Variants in TANC1 observed in about 807,000 individuals in gnomAD.
TANC1 encodes protein TANC1.
Under a neutral mutation model 149.7 loss-of-function variants are expected in TANC1, and 77 were observed. The ratio of observed to expected loss-of-function variants is 0.51; its 90% CI spans 0.43 to 0.62. The LOEUF is 0.62. TANC1 is among the 20% of genes least tolerant of loss of function. The pLI is 0.00. For missense variants in TANC1, 1,985 were observed against 2,321.8 expected, an observed-to-expected ratio of 0.85 and a Z score of 2.98; for synonymous variants, 854 against 925.0, an observed-to-expected ratio of 0.92 and a Z score of 1.39.
intron 4 of TANC1, among the ~76,000 whole-genome samples, chr2:159,121,187 G>T (rs1574805256): frequency 6.6e-6 from 1 of 152,304 alleles, no homozygotes. Context: ...CTCCCAGCTG[G>T]CTCATCTTTG....
chr2:159,215,392 T>G (rs1259254420), intron 19 of TANC1, among the ~76,000 whole-genome samples: 1 of 152,230 alleles, frequency 6.6e-6, no homozygotes, highest in Non-Finnish European at 1.5e-5. Flanking sequence ...ATAACAGGTT[T>G]GCCGCCTTTT....
intron 3 of TANC1, among the ~76,000 whole-genome samples, chr2:159,070,810 G>A (rs190621309): frequency 1.8e-4 from 27 of 152,292 alleles, no homozygotes; most frequent in African/African-American, 6.5e-4. Flanking sequence ...ACATTGGGCA[G>A]GTTCCCTCCC....
chr2:159,133,904 G>T (rs899868770), intron 4 of TANC1, among the ~76,000 whole-genome samples: 3 of 152,222 alleles, frequency 2.0e-5, no homozygotes, highest in African/African-American at 7.2e-5. Flanking sequence ...TCTAGTTTAA[G>T]ATGTAGTACA....
Position 159,219,829 on chromosome 2 carries a change from C to T in TANC1, c.3640C>T (p.Pro1214Ser). 1 of 1,613,658 alleles carries T rather than the reference C, an allele frequency of 6.2e-7. No homozygotes were observed. The highest frequency in any genetic ancestry group is 8.5e-7 in the Non-Finnish European group (1 of 1,180,028). Residue 1214 changes from proline to serine, a missense_variant, in exon 22 of 27, where the codon CCC becomes TCC. Pro to Ser is a moderately conservative substitution (Grantham distance 74, BLOSUM62 -1). Transcript: ENST00000263635. Reference protein sequence around the residue: ...IDQTDKNGRTPLDLAAFYGDA... With the variant: ...IDQTDKNGRTSLDLAAFYGDA... ...CCAGACAGACAAGAATGGCCGCACA[C>T]CCTTGGACCTGGCTGCCTTCTATGG...
At chr2:158,991,228 T>C (rs1202598111) in intron 1 of TANC1, among the ~76,000 whole-genome samples, 1 of 151,636 alleles carries the variant, frequency 6.6e-6, no homozygotes, top group Admixed American at 6.6e-5. Flanking sequence ...AGATGTAGAA[T>C]TTGCTAGGAA....
chr2:159,000,533 T>G lies in TANC1; in HGVS notation c.-125-547T>G, dbSNP rs114717146. Among the ~76,000 whole-genome samples, 690 of 152,122 alleles carry G rather than the reference T, an allele frequency of 4.5e-3. 5 individuals carry two copies. Among genetic ancestry groups the G allele is most frequent in the African/African-American group, 0.016 (644 of 41,480 alleles). ...ACAGTGATGTGATTTCTGTGGTCTT[T>G]CGGGCCCAGGGTATAGGTGAGGACA... On this transcript the variant is annotated intron_variant, in intron 1 of 26. Coordinates refer to ENST00000263635, the MANE Select transcript of TANC1 (RefSeq NM_033394.3).
At chr2:159,177,507 G>T (rs905726346) in intron 13 of TANC1, among the ~76,000 whole-genome samples, 1 of 152,074 alleles carries the variant, frequency 6.6e-6, no homozygotes, top group Non-Finnish European at 1.5e-5. Context: ...AACTTGATGC[G>T]TGTTTTTTGG....
At chr2:158,969,461 G>A (rs2032501466) in intron 1 of TANC1, among the ~76,000 whole-genome samples, 1 of 152,246 alleles carries the variant, frequency 6.6e-6, no homozygotes, top group Non-Finnish European at 1.5e-5. Flanking sequence ...TTTAGGGGTG[G>A]GGCGCTGAGA....
At chr2:159,172,867 T>C (rs2055405948) in intron 11 of TANC1, among the ~76,000 whole-genome samples, 1 of 152,144 alleles carries the variant, frequency 6.6e-6, no homozygotes, top group Admixed American at 6.5e-5. Flanking sequence ...TGGGCAGCAG[T>C]GGTGTGAGTC....
chr2:159,153,763 G>T (rs1178634767), intron 7 of TANC1, among the ~76,000 whole-genome samples: 1 of 152,214 alleles, frequency 6.6e-6, no homozygotes, highest in Non-Finnish European at 1.5e-5. Context: ...CTATGACTCA[G>T]TTGTGGTTCT....
At chr2:158,973,317 C>T (rs1164216485) in intron 1 of TANC1, among the ~76,000 whole-genome samples, 2 of 152,136 alleles carry the variant, frequency 1.3e-5, no homozygotes, top group African/African-American at 4.8e-5. Context: ...GGGTTACGTG[C>T]CAGTCATGAA....
intron 11 of TANC1, 134 bp from the exon 12 acceptor site, chr2:159,174,819 A>G (rs2055668203): frequency 1.4e-6 from 1 of 738,544 alleles, no homozygotes; most frequent in Middle Eastern, 2.4e-4. Context: ...ATGCTAACAA[A>G]TGACCCAGTC....
intron 8 of TANC1, among the ~76,000 whole-genome samples, chr2:159,167,106 T>G (rs1484061255): frequency 6.6e-6 from 1 of 152,240 alleles, no homozygotes; most frequent in Non-Finnish European, 1.5e-5. Context: ...TTATAAACTG[T>G]TCTAAGGAGT....
intron 2 of TANC1, chr2:159,060,116 A>C (rs981415547): frequency 1.0e-6 from 1 of 974,628 alleles, no homozygotes; most frequent in African/African-American, 1.8e-5. Flanking sequence ...TAGTTACGTG[A>C]GTCAGACTAA....
At chr2:159,151,077 T>C (rs1172234392) in intron 7 of TANC1, among the ~76,000 whole-genome samples, 1 of 152,216 alleles carries the variant, frequency 6.6e-6, no homozygotes, top group African/African-American at 2.4e-5. Flanking sequence ...TAAGTGTGGT[T>C]GTCCTGAAGC....
At chr2:159,096,728 C>T (rs1427272639) in intron 3 of TANC1, among the ~76,000 whole-genome samples, 5 of 152,108 alleles carry the variant, frequency 3.3e-5, no homozygotes. Context: ...GAACAGGTAA[C>T]TAAAGGTGAC....
intron 8 of TANC1, 149 bp downstream of exon 8, chr2:159,163,695 A>G: frequency 1.3e-6 from 1 of 757,338 alleles, no homozygotes; most frequent in Non-Finnish European, 2.1e-6. Context: ...CAGTTTACTA[A>G]TCTGTAAACA....
chr2:159,073,674 A>AT (rs2149740364), intron 3 of TANC1, among the ~76,000 whole-genome samples: 1 of 152,292 alleles, frequency 6.6e-6, no homozygotes, highest in South Asian at 2.1e-4. Context: ...CAAAGGTCTT[A>AT]TTTTGTACAG....
chr2:159,187,741 C>G (rs1451705925), intron 16 of TANC1, among the ~76,000 whole-genome samples: 1 of 152,116 alleles, frequency 6.6e-6, no homozygotes, highest in Non-Finnish European at 1.5e-5. Context: ...AGGTCTTCCC[C>G]CCGAATCACT....
Sources: allele counts gnomAD v4.1 joint callset (sites outside exome capture counted in the v4.1 genomes callset), GRCh38; gene constraint gnomAD v4.1.1; transcripts MANE v1.5; gene names NCBI Gene and HGNC (gene_info 2026-07-23, HGNC 2026-07-21).